NBEA: variants seen among roughly 807,000 people sequenced by gnomAD.
The protein encoded by NBEA is lysosomal-trafficking regulator 2.
Under a neutral mutation model 343.4 loss-of-function variants are expected in NBEA, and 44 were observed. That is an observed-to-expected ratio of 0.13 (90% CI 0.10 to 0.16). The LOEUF (loss-of-function observed/expected upper bound fraction) is 0.16. Ranked by LOEUF, NBEA falls within the 10% of genes least tolerant of loss-of-function variation. NBEA has a pLI of 1.00. For missense variants in NBEA, 2,555 were observed against 3,631.3 expected (o/e 0.70, Z 7.62); for synonymous variants, 1,175 against 1,238.7 (o/e 0.95, Z 1.08).
chr13:35,241,541 T>TA (rs1315394275), intron 34 of NBEA, among the ~76,000 whole-genome samples: 1 of 151,122 alleles, frequency 6.6e-6, no homozygotes, highest in South Asian at 2.1e-4. Flanking sequence ...GTGTAGAGGG[T>TA]AAAAAAATCA....
At chr13:35,056,721 ATAT>A (rs2063278424) in intron 7 of NBEA, among the ~76,000 whole-genome samples, 2 of 152,108 alleles carry the variant, frequency 1.3e-5, no homozygotes, top group Admixed American at 1.3e-4. Context: ...AGGCAAAATA[ATAT>A]TAAGAGATGA....
chr13:35,140,815 T>G (rs2068046457), intron 17 of NBEA, among the ~76,000 whole-genome samples: 1 of 152,184 alleles, frequency 6.6e-6, no homozygotes, highest in Non-Finnish European at 1.5e-5. Context: ...GAAATTCTAG[T>G]CACTTACCAG....
At chr13:35,269,455 A>T (rs917876213) in intron 34 of NBEA, among the ~76,000 whole-genome samples, 9 of 152,190 alleles carry the variant, frequency 5.9e-5, no homozygotes, top group Admixed American at 5.2e-4. Context: ...AGTACAGTAA[A>T]TATGGGGGAT....
chr13:35,569,368 A>G (rs1385043154), intron 45 of NBEA, among the ~76,000 whole-genome samples: 1 of 152,188 alleles, frequency 6.6e-6, no homozygotes, highest in East Asian at 1.9e-4. Context: ...ACATTATAAA[A>G]TATATATACG....
Position 35,352,162 on chromosome 13 carries a change from G to A in NBEA, c.6018G>A (p.Gln2006=), listed in dbSNP as rs1306121931. The A allele has an allele frequency of 2.7e-6, 4 of 1,460,800 alleles. No individual in the cohort carries two copies. The East Asian group carries it at 1.0e-4, about 38-fold the overall frequency. The allele number at this position is 1,460,800 out of a possible 1,614,324, so 90.5% of individuals were successfully genotyped here. ...TCATTTGTATTTCTTTATAGTCACA[G>A]TGTGCCCAATATGCTGCTGATAGAA... ...DVHKHAEFES[Q]CAQYAADRRE... is the part of the protein sequence containing the mutation. Residue 2006 remains glutamine (Q), a synonymous_variant, in exon 38 of 59, where the codon CAG becomes CAA. Transcript: ENST00000379939.
intron 24 of NBEA, among the ~76,000 whole-genome samples, chr13:35,168,683 T>G (rs1229468604): frequency 6.6e-6 from 1 of 151,372 alleles, no homozygotes; most frequent in Non-Finnish European, 1.5e-5. Flanking sequence ...GAAAAGATAC[T>G]TGTTTTGTAA....
At chr13:34,966,194 A>T (rs186953127) in intron 1 of NBEA, among the ~76,000 whole-genome samples, 1 of 152,220 alleles carries the variant, frequency 6.6e-6, no homozygotes, top group African/African-American at 2.4e-5. Context: ...ATGGAGCAAG[A>T]GGCTTTTATA....
intron 1 of NBEA, among the ~76,000 whole-genome samples, chr13:34,947,829 A>AT (rs1304036956): frequency 6.6e-6 from 1 of 152,218 alleles, no homozygotes; most frequent in Admixed American, 6.5e-5. Flanking sequence ...ACTCATATAT[A>AT]AAGTCAACTC....
chr13:35,030,833 A>G (rs2062184412), intron 1 of NBEA, among the ~76,000 whole-genome samples: 2 of 151,670 alleles, frequency 1.3e-5, no homozygotes, highest in African/African-American at 2.4e-5. Context: ...AGAGAGCTAA[A>G]TGATACATAG....
chr13:35,174,364 C>T (rs1425874759), intron 27 of NBEA, among the ~76,000 whole-genome samples: 1 of 152,002 alleles, frequency 6.6e-6, no homozygotes, highest in Non-Finnish European at 1.5e-5. Flanking sequence ...AGGGTTGTTC[C>T]TTCTGTTTGT....
At chr13:35,036,097 T>G (rs949510293) in intron 1 of NBEA, among the ~76,000 whole-genome samples, 1 of 151,858 alleles carries the variant, frequency 6.6e-6, no homozygotes, top group African/African-American at 2.4e-5. Flanking sequence ...TGCATTTCTG[T>G]CCTCTAGTGA....
intron 47 of NBEA, among the ~76,000 whole-genome samples, chr13:35,594,335 GCTT>G (rs1269766041): frequency 5.9e-5 from 9 of 152,128 alleles, no homozygotes; most frequent in African/African-American, 2.2e-4. Context: ...ACATATTTAT[GCTT>G]CTCTATTGCA....
In NBEA at chr13:35,159,716, A is replaced by G; in HGVS notation, c.3545A>G (p.Asp1182Gly). Residue 1182 changes from aspartate (D) to glycine (G), a missense_variant, in exon 22 of 59, where the codon GAT (aspartate) becomes GGT (glycine). Physicochemically the swap from Asp to Gly is moderately conservative, Grantham distance 94. Transcript: ENST00000379939. Reference protein sequence around the residue: ...QDTQVHLGVSDDLGLLAHMTG... With the variant: ...QDTQVHLGVSGDLGLLAHMTG... ...ACACAAGTACATCTTGGTGTTAGTG[A>G]TGATCTTGGATTGCTTGCTCACATG... 1 of 1,613,262 alleles carries G rather than the reference A, an allele frequency of 6.2e-7. No homozygotes were observed.
At position 35,178,037 on chromosome 13, in the gene NBEA, A is replaced by G. The variant is rs2071038973; in HGVS notation, c.4662+934A>G. Among the ~76,000 whole-genome samples, 3 of 151,796 alleles carry G rather than the reference A, an allele frequency of 2.0e-5. No homozygotes were observed. In the Admixed American group the frequency reaches 2.0e-4, roughly 10 times the overall value. ...CAAACATACCAACAGAAAAATAGGC[A>G]ATGGACACAAGGCAACAAACATGAT... is the stretch of plus-strand genomic sequence containing the variant. On this transcript the variant is annotated intron_variant, in intron 28 of 58. Coordinates refer to ENST00000379939, the MANE Select transcript of NBEA (RefSeq NM_001385012.1).
At chr13:35,476,205 T>C (rs2075856888) in intron 41 of NBEA, 3 of 1,610,066 alleles carry the variant, frequency 1.9e-6, no homozygotes, top group East Asian at 2.2e-5. Context: ...ATGCGGCTGC[T>C]AGAGCTGGAG....
At chr13:35,342,543 A>G (rs574922607) in intron 36 of NBEA, among the ~76,000 whole-genome samples, 2 of 152,138 alleles carry the variant, frequency 1.3e-5, no homozygotes, top group African/African-American at 4.8e-5. Flanking sequence ...ATGCAAACAA[A>G]TTGGTAAATT....
chr13:35,330,619 T>C (rs1467159827), intron 36 of NBEA, among the ~76,000 whole-genome samples: 7 of 152,064 alleles, frequency 4.6e-5, no homozygotes, highest in Non-Finnish European at 1.0e-4. Context: ...TTATTCTCCC[T>C]ACTTCTCACC....
intron 38 of NBEA, among the ~76,000 whole-genome samples, chr13:35,406,858 C>T (rs1452490834): frequency 6.6e-6 from 1 of 151,900 alleles, no homozygotes; most frequent in Non-Finnish European, 1.5e-5. Flanking sequence ...GAGAGTTGAG[C>T]TCAATTTCCT....
intron 1 of NBEA, among the ~76,000 whole-genome samples, chr13:34,983,578 A>G (rs1293053379): frequency 6.6e-6 from 1 of 152,132 alleles, no homozygotes; most frequent in Non-Finnish European, 1.5e-5. Context: ...CTAATTCTAG[A>G]TCCTTGAGGA....
Sources: allele counts gnomAD v4.1 joint callset (sites outside exome capture counted in the v4.1 genomes callset), GRCh38; gene constraint gnomAD v4.1.1; transcripts MANE v1.5; gene names NCBI Gene and HGNC (gene_info 2026-07-23, HGNC 2026-07-21).